Variants in MPZL1 observed in about 807,000 individuals in gnomAD.
The protein encoded by MPZL1 is myelin protein zero like 1.
In MPZL1, 16 loss-of-function variants were observed where a neutral mutation model predicts 29.3. The ratio of observed to expected loss-of-function variants is 0.55; its 90% CI spans 0.37 to 0.83. The LOEUF (loss-of-function observed/expected upper bound fraction) is 0.83. Ranked by LOEUF, MPZL1 falls within the 40% of genes least tolerant of loss-of-function variation. The pLI, the probability that MPZL1 is intolerant of heterozygous loss-of-function variation, is 0.00. For missense variants in MPZL1, 279 were observed against 332.9 expected, an observed-to-expected ratio of 0.84 and a Z score of 1.26; for synonymous variants, 143 against 132.0, an observed-to-expected ratio of 1.08 and a Z score of -0.57.
At chr1:167,767,957 C>G (rs777490509) in intron 2 of MPZL1, among the ~76,000 whole-genome samples, 1 of 151,966 alleles carries the variant, frequency 6.6e-6, no homozygotes, top group Non-Finnish European at 1.5e-5. Flanking sequence ...GAAATAAGAA[C>G]CTTTGCTGGT....
chr1:167,762,289 C>T lies in MPZL1; in HGVS notation c.92-3294C>T, dbSNP rs149653950. On this transcript the variant is annotated intron_variant, in intron 1 of 5. Coordinates refer to ENST00000359523, the MANE Select transcript of MPZL1 (RefSeq NM_003953.6). ...TTGTCTGTGGCAGTTGTCAGTAGTG[C>T]TGAGGTTGAGAAGCCCTGGTTTAGG... Among the ~76,000 whole-genome samples, 247 of 152,208 alleles carry T rather than the reference C, an allele frequency of 1.6e-3. 2 individuals carry two copies. Among genetic ancestry groups the T allele is most frequent in the African/African-American group, 5.6e-3 (233 of 41,494 alleles).
At chr1:167,755,756 C>G (rs2101772087) in intron 1 of MPZL1, among the ~76,000 whole-genome samples, 1 of 152,274 alleles carries the variant, frequency 6.6e-6, no homozygotes, top group Middle Eastern at 3.4e-3. Flanking sequence ...TTTGTGCATC[C>G]CAGGGGCCAG....
chr1:167,723,125 A>G (rs4142139), intron 1 of MPZL1, among the ~76,000 whole-genome samples: 3 of 152,258 alleles, frequency 2.0e-5, no homozygotes, highest in African/African-American at 7.2e-5. Flanking sequence ...TGTTCAAAGC[A>G]AAGTACTTGT....
chr1:167,776,188 G>A, intron 5 of MPZL1, 22 bp downstream of exon 5: 2 of 1,561,622 alleles, frequency 1.3e-6, no homozygotes, highest in Non-Finnish European at 8.8e-7. Context: ...TTGCGATTCT[G>A]CCCACTGCAC....
chr1:167,784,603 AC>A (rs1280129073), intron 5 of MPZL1, among the ~76,000 whole-genome samples: 1 of 152,102 alleles, frequency 6.6e-6, no homozygotes, highest in Admixed American at 6.5e-5. Context: ...GGCTCCTTCC[AC>A]CTCTAAATAG....
chr1:167,735,811 A>C (rs1418039383), intron 1 of MPZL1, among the ~76,000 whole-genome samples: 1 of 152,200 alleles, frequency 6.6e-6, no homozygotes, highest in African/African-American at 2.4e-5. Context: ...GAGTCCCCCA[A>C]TTGTAATATT....
chr1:167,746,649 CTGTT>C (rs1407914202), intron 1 of MPZL1, among the ~76,000 whole-genome samples: 1 of 152,186 alleles, frequency 6.6e-6, no homozygotes, highest in East Asian at 1.9e-4. Context: ...TTTTAGAAGC[CTGTT>C]TGTGGGCAAG....
chr1:167,764,154 A>AT (rs1205674945), intron 1 of MPZL1, among the ~76,000 whole-genome samples: 4 of 152,252 alleles, frequency 2.6e-5, no homozygotes, highest in African/African-American at 9.6e-5. Flanking sequence ...GAAGATGGGT[A>AT]TTTTTAAGTT....
chr1:167,768,282 T>G (rs1661163379), intron 2 of MPZL1, among the ~76,000 whole-genome samples: 1 of 152,182 alleles, frequency 6.6e-6, no homozygotes, highest in Non-Finnish European at 1.5e-5. Flanking sequence ...TCTTATGGCA[T>G]CACTTCCAGT....
intron 1 of MPZL1, among the ~76,000 whole-genome samples, chr1:167,730,939 G>C (rs1233279588): frequency 2.6e-5 from 4 of 152,234 alleles, no homozygotes. Flanking sequence ...TCTAGCACTT[G>C]TCTGTTAACT....
chr1:167,767,480 T>G (rs1661139556), intron 2 of MPZL1, among the ~76,000 whole-genome samples: 2 of 152,138 alleles, frequency 1.3e-5, no homozygotes, highest in Admixed American at 6.5e-5. Flanking sequence ...AACTCAAAAC[T>G]TAATATTAAG....
chr1:167,743,941 T>C (rs1660590775), intron 1 of MPZL1, among the ~76,000 whole-genome samples: 1 of 152,036 alleles, frequency 6.6e-6, no homozygotes, highest in African/African-American at 2.4e-5. Flanking sequence ...TTCCAATACT[T>C]TGTTGAAGAG....
At chr1:167,734,504 C>T (rs1358165500) in intron 1 of MPZL1, among the ~76,000 whole-genome samples, 1 of 152,166 alleles carries the variant, frequency 6.6e-6, no homozygotes, top group Non-Finnish European at 1.5e-5. Context: ...CCCAACTTGA[C>T]GTTCCCTCCA....
chr1:167,764,820 ATAT>A (rs59157587), intron 1 of MPZL1, among the ~76,000 whole-genome samples: 26,135 of 152,070 alleles, frequency 0.17, 2,514 homozygotes, highest in East Asian at 0.36. Context: ...AAGAAATGAG[ATAT>A]TATGCCACAA....
chr1:167,747,059 C>G (rs982248119), intron 1 of MPZL1, among the ~76,000 whole-genome samples: 1 of 151,990 alleles, frequency 6.6e-6, no homozygotes, highest in South Asian at 2.1e-4. Context: ...ATTAATGGAA[C>G]CGGAATTATA....
intron 3 of MPZL1, 58 bp downstream of exon 3, chr1:167,772,546 T>A (rs1661275234): frequency 8.2e-6 from 12 of 1,467,036 alleles, no homozygotes; most frequent in Non-Finnish European, 1.1e-5. Flanking sequence ...CATGTTTGGT[T>A]GGAAAACATG....
chr1:167,741,224 G>C (rs1003501819), intron 1 of MPZL1, among the ~76,000 whole-genome samples: 15 of 129,494 alleles, frequency 1.2e-4, no homozygotes, highest in Non-Finnish European at 2.4e-4. Context: ...GTTTCGCTAT[G>C]TTGTCCAGGC....
chr1:167,782,546 G>A (rs1661518287), intron 5 of MPZL1, among the ~76,000 whole-genome samples: 1 of 152,164 alleles, frequency 6.6e-6, no homozygotes, highest in South Asian at 2.1e-4. Flanking sequence ...CCAACCCAGT[G>A]AGAAGAAATG....
At chr1:167,772,789 G>C (rs911962470) in intron 3 of MPZL1, among the ~76,000 whole-genome samples, 3 of 152,188 alleles carry the variant, frequency 2.0e-5, no homozygotes, top group African/African-American at 7.2e-5. Flanking sequence ...AATTCATTAT[G>C]TTTGGATGTG....
Sources: allele counts gnomAD v4.1 joint callset (sites outside exome capture counted in the v4.1 genomes callset), GRCh38; gene constraint gnomAD v4.1.1; transcripts MANE v1.5; gene names NCBI Gene and HGNC (gene_info 2026-07-23, HGNC 2026-07-21).